Variants in RPH3A observed in about 807,000 individuals in gnomAD.
RPH3A encodes rabphilin 3A.
RPH3A carries 48 observed loss-of-function variants against 102.2 expected under a neutral mutation model. The ratio of observed to expected loss-of-function variants is 0.47; its 90% CI spans 0.37 to 0.60. The LOEUF (loss-of-function observed/expected upper bound fraction) is 0.60, where lower values mean the gene tolerates loss of function less well. Among genes scored for constraint, RPH3A ranks in the 20% least tolerant of loss-of-function variants. RPH3A has a pLI of 0.00. For missense variants in RPH3A, 781 were observed against 910.1 expected (o/e 0.86, Z 1.83); for synonymous variants, 310 against 324.3 (o/e 0.96, Z 0.47).
intron 2 of RPH3A, among the ~76,000 whole-genome samples, chr12:112,815,562 T>C (rs1195363567): frequency 1.3e-5 from 2 of 152,178 alleles, no homozygotes; most frequent in African/African-American, 2.4e-5. Context: ...CCCTCTCTGC[T>C]GTGAGCATTT....
chr12:112,863,363 G>A (rs1206311770), intron 5 of RPH3A, among the ~76,000 whole-genome samples: 1 of 152,200 alleles, frequency 6.6e-6, no homozygotes, highest in Non-Finnish European at 1.5e-5. Context: ...TGTCACCCAG[G>A]CTGGAGTGCA....
At chr12:112,823,685 G>A (rs1195094985) in intron 2 of RPH3A, among the ~76,000 whole-genome samples, 4 of 152,120 alleles carry the variant, frequency 2.6e-5, no homozygotes, top group Non-Finnish European at 5.9e-5. Context: ...TGTATCCATG[G>A]TTGGTTTCCT....
Position 112,896,750 on chromosome 12 carries a change from A to T in RPH3A, c.2055A>T (p.Leu685=), listed in dbSNP as rs752725624. ...AGAAGATAGAGCGCTGGCACCAGCT[A>T]CAGAATGAGAACCACGTGTCAAGTG... ...KDKKIERWHQ[L]QNENHVSSD is the part of the protein sequence containing the mutation. The change falls in exon 22 of 22, where the codon CTA becomes CTT. Residue 685 remains leucine, a synonymous_variant. Coordinates refer to ENST00000389385, the MANE Select transcript of RPH3A (RefSeq NM_001143854.2). The T allele has an allele frequency of 6.2e-7, 1 of 1,614,154 alleles. No homozygotes were observed. Among genetic ancestry groups the T allele is most frequent in the South Asian group, 1.1e-5 (1 of 91,084 alleles).
At chr12:112,711,235 G>C (rs1176730920) in intron 1 of RPH3A, among the ~76,000 whole-genome samples, 1 of 152,040 alleles carries the variant, frequency 6.6e-6, no homozygotes, top group African/African-American at 2.4e-5. Context: ...GCAGGGGCAG[G>C]GATTTGCATT....
intron 5 of RPH3A, among the ~76,000 whole-genome samples, chr12:112,864,512 AACAGAGAGAG>A (rs1011232672): frequency 7.0e-4 from 106 of 152,040 alleles, no homozygotes; most frequent in African/African-American, 2.5e-3. Flanking sequence ...GTGTGTATGC[AACAGAGAGAG>A]ACAGAGAGAT....
intron 1 of RPH3A, among the ~76,000 whole-genome samples, chr12:112,710,549 T>C (rs745396875): frequency 2.0e-5 from 3 of 152,216 alleles, no homozygotes; most frequent in Non-Finnish European, 4.4e-5. Flanking sequence ...CAATCATATT[T>C]GTAGTGTTGT....
chr12:112,857,650 C>T (rs1360319155), intron 5 of RPH3A, among the ~76,000 whole-genome samples: 1 of 152,124 alleles, frequency 6.6e-6, no homozygotes, highest in Admixed American at 6.5e-5. Flanking sequence ...TAGCCTTGAC[C>T]TCTAGAGCTG....
chr12:112,697,184 T>C (rs1052497308), intron 1 of RPH3A, among the ~76,000 whole-genome samples: 22 of 152,138 alleles, frequency 1.4e-4, no homozygotes, highest in African/African-American at 5.3e-4. Flanking sequence ...GAAATAAAAC[T>C]GTATTTTCAG....
At chr12:112,645,866 G>T (rs1246977029) in intron 1 of RPH3A, among the ~76,000 whole-genome samples, 1 of 152,154 alleles carries the variant, frequency 6.6e-6, no homozygotes, top group Non-Finnish European at 1.5e-5. Context: ...GACAGCCATA[G>T]GAGGTGGTTT....
chr12:112,610,784 G>A (rs1321148609), intron 1 of RPH3A, among the ~76,000 whole-genome samples: 2 of 151,696 alleles, frequency 1.3e-5, no homozygotes, highest in African/African-American at 2.4e-5. Context: ...GGCGCCTGCC[G>A]CCACGCCCAG....
chr12:112,688,691 G>T (rs1049784545), intron 1 of RPH3A, among the ~76,000 whole-genome samples: 6 of 152,136 alleles, frequency 3.9e-5, no homozygotes, highest in African/African-American at 1.4e-4. Flanking sequence ...GGACTTATTT[G>T]ATCAGTCCTT....
chr12:112,734,986 A>G (rs2040659328), intron 1 of RPH3A, among the ~76,000 whole-genome samples: 2 of 152,158 alleles, frequency 1.3e-5, no homozygotes, highest in Non-Finnish European at 2.9e-5. Flanking sequence ...GTGACTCAGA[A>G]TGCCTAACCT....
intron 1 of RPH3A, among the ~76,000 whole-genome samples, chr12:112,579,695 C>G (rs909610082): frequency 3.9e-5 from 6 of 152,254 alleles, no homozygotes; most frequent in African/African-American, 1.4e-4. Context: ...CTAGAGACAA[C>G]TACTGCCAAC....
At chr12:112,606,119 CA>C (rs2039594630) in intron 1 of RPH3A, among the ~76,000 whole-genome samples, 2 of 152,278 alleles carry the variant, frequency 1.3e-5, no homozygotes, top group South Asian at 2.1e-4. Flanking sequence ...TTCCCTTCCA[CA>C]AGCTGTGACT....
intron 1 of RPH3A, among the ~76,000 whole-genome samples, chr12:112,596,433 A>G (rs895309924): frequency 2.6e-5 from 4 of 152,204 alleles, no homozygotes; most frequent in Non-Finnish European, 5.9e-5. Flanking sequence ...TAGTATCCAC[A>G]TGGATATCCA....
At chr12:112,891,443 T>C (rs938073955) in intron 19 of RPH3A, among the ~76,000 whole-genome samples, 1 of 152,164 alleles carries the variant, frequency 6.6e-6, no homozygotes. Context: ...AATCTCATCA[T>C]GGAGAATAAA....
intron 6 of RPH3A, 71 bp from the exon 7 acceptor site, chr12:112,866,686 T>G: frequency 8.0e-7 from 1 of 1,256,058 alleles, no homozygotes; most frequent in South Asian, 1.3e-5. Context: ...CAAGAGAAAG[T>G]GGGGGGCTAC....
intron 5 of RPH3A, among the ~76,000 whole-genome samples, chr12:112,862,313 G>A: frequency 6.6e-6 from 1 of 152,202 alleles, no homozygotes; most frequent in East Asian, 1.9e-4. Context: ...GCTCAGGCAG[G>A]AGAACTACTT....
At chr12:112,775,148 C>T (rs1448824281) in intron 1 of RPH3A, among the ~76,000 whole-genome samples, 1 of 151,990 alleles carries the variant, frequency 6.6e-6, no homozygotes, top group African/African-American at 2.4e-5. Context: ...GTGCAGTAAA[C>T]CATTATGGCC....
Sources: gnomAD v4.1 joint callset for allele counts (sites outside exome capture counted in the v4.1 genomes callset) on GRCh38, gnomAD v4.1.1 for gene constraint, MANE v1.5 for transcripts, NCBI Gene and HGNC (gene_info 2026-07-23, HGNC 2026-07-21) for gene names.